Variants in WDR70 observed in about 807,000 individuals in gnomAD.
WDR70 encodes the protein WD repeat domain 70, also known as WD repeat-containing protein 70.
WDR70 carries 53 observed loss-of-function variants against 88.6 expected under a neutral mutation model. The observed-to-expected ratio is 0.60, with a 90% CI of 0.48 to 0.75. The LOEUF (loss-of-function observed/expected upper bound fraction) is 0.75. Among genes scored for constraint, WDR70 ranks in the 30% least tolerant of loss-of-function variants. WDR70 has a pLI of 0.00. For missense variants in WDR70, 610 were observed against 823.2 expected (o/e 0.74, Z 3.17); for synonymous variants, 280 against 270.0 (o/e 1.04, Z -0.36).
At chr5:37,632,567 G>A (rs12519307) in intron 10 of WDR70, among the ~76,000 whole-genome samples, 71,037 of 151,914 alleles carry the variant, frequency 0.47, 18,106 homozygotes, top group Non-Finnish European at 0.58. Flanking sequence ...TAACAAAAAA[G>A]TTTTAAAAGT....
chr5:37,650,340 G>T (rs1745366924), intron 10 of WDR70, among the ~76,000 whole-genome samples: 1 of 152,020 alleles, frequency 6.6e-6, no homozygotes, highest in Non-Finnish European at 1.5e-5. Context: ...GGCAGAGCTT[G>T]CAGTTAGCCG....
chr5:37,600,171 T>C (rs1015760182), intron 9 of WDR70, among the ~76,000 whole-genome samples: 4 of 152,050 alleles, frequency 2.6e-5, no homozygotes, highest in Non-Finnish European at 5.9e-5. Context: ...AGCCGAAGAC[T>C]TGGGGAAAAT....
At chr5:37,522,388 T>A (rs1741121924) in intron 9 of WDR70, among the ~76,000 whole-genome samples, 1 of 150,018 alleles carries the variant, frequency 6.7e-6, no homozygotes, top group Non-Finnish European at 1.5e-5. Context: ...GAAGAATCAC[T>A]TGAACCCAGG....
chr5:37,695,102 ACTTACAGT>A (rs923127309), intron 10 of WDR70, among the ~76,000 whole-genome samples: 6 of 152,122 alleles, frequency 3.9e-5, no homozygotes, highest in Admixed American at 3.9e-4. Flanking sequence ...GCCTCAGGAA[ACTTACAGT>A]CTTGGTAGAA....
At chr5:37,473,050 G>A (rs1406350276) in intron 7 of WDR70, among the ~76,000 whole-genome samples, 2 of 151,840 alleles carry the variant, frequency 1.3e-5, no homozygotes, top group Non-Finnish European at 2.9e-5. Context: ...ATTTGATATG[G>A]TCAGTATCTT....
chr5:37,443,372 G>T lies in WDR70; in HGVS notation c.686G>T (p.Cys229Phe). The stretch of plus-strand genomic sequence containing the variant: ...TTTCGATCCCTTCAGCCCTGTGAGT[G>T]GTATGTATTCACTTACTTAATATCT... ...KAFRSLQPCE[C>F]HQIKSLQYSN... Residue 229 changes from cysteine to phenylalanine, a missense_variant and splice_region_variant, in exon 7 of 18, where the codon TGC (cysteine) becomes TTC (phenylalanine). Transcript: ENST00000265107. The T allele has an allele frequency of 3.7e-6, 6 of 1,613,596 alleles. No individual in the cohort carries two copies. Among genetic ancestry groups the T allele is most frequent in the Non-Finnish European group, 5.1e-6 (6 of 1,179,708 alleles).
chr5:37,746,207 AAAG>A (rs1387045231), intron 17 of WDR70, among the ~76,000 whole-genome samples: 1 of 152,200 alleles, frequency 6.6e-6, no homozygotes, highest in Non-Finnish European at 1.5e-5. Context: ...AGGCAGAAAT[AAAG>A]AAGTTCTTTG....
chr5:37,585,287 G>C (rs1743334456), intron 9 of WDR70, among the ~76,000 whole-genome samples: 1 of 152,064 alleles, frequency 6.6e-6, no homozygotes, highest in Non-Finnish European at 1.5e-5. Context: ...ACCGCGCCCA[G>C]CCTCCTTGTC....
intron 9 of WDR70, among the ~76,000 whole-genome samples, chr5:37,595,217 A>G (rs189621168): frequency 2.6e-5 from 4 of 152,260 alleles, no homozygotes; most frequent in Admixed American, 6.5e-5. Flanking sequence ...TTTTGAATCT[A>G]CAAAAATGCT....
intron 9 of WDR70, among the ~76,000 whole-genome samples, chr5:37,563,517 C>T (rs1362621139): frequency 9.4e-5 from 6 of 63,754 alleles, no homozygotes; most frequent in African/African-American, 1.9e-4. Flanking sequence ...GCAGAGGCGC[C>T]CCTCACCTCC....
intron 9 of WDR70, among the ~76,000 whole-genome samples, chr5:37,565,368 T>C (rs1742706882): frequency 6.6e-6 from 1 of 152,206 alleles, no homozygotes; most frequent in East Asian, 1.9e-4. Context: ...TTAAGGTCTT[T>C]TAAAAATCCC....
At chr5:37,694,398 C>T (rs1267508332) in intron 10 of WDR70, among the ~76,000 whole-genome samples, 1 of 152,154 alleles carries the variant, frequency 6.6e-6, no homozygotes. Flanking sequence ...CACGTGCTCA[C>T]GTATGTTAAT....
At chr5:37,397,247 TA>T (rs1310292151) in intron 5 of WDR70, among the ~76,000 whole-genome samples, 1 of 130,308 alleles carries the variant, frequency 7.7e-6, no homozygotes, top group African/African-American at 2.9e-5. Context: ...AACTAAAAAA[TA>T]ATAAATGGAG....
intron 10 of WDR70, among the ~76,000 whole-genome samples, chr5:37,691,542 T>G (rs1746793806): frequency 6.6e-6 from 1 of 152,118 alleles, no homozygotes; most frequent in Non-Finnish European, 1.5e-5. Context: ...AAATTAGAAC[T>G]CAGGATTAAG....
intron 9 of WDR70, among the ~76,000 whole-genome samples, chr5:37,564,944 TTAAG>T (rs1235045280): frequency 6.6e-6 from 1 of 152,224 alleles, no homozygotes; most frequent in African/African-American, 2.4e-5. Flanking sequence ...CAAAGGCACC[TTAAG>T]TACAGCTCAT....
chr5:37,686,651 T>A (rs941040681), intron 10 of WDR70, among the ~76,000 whole-genome samples: 4 of 152,078 alleles, frequency 2.6e-5, no homozygotes, highest in Non-Finnish European at 5.9e-5. Context: ...GCAGGAGGAT[T>A]GCTCCAGAAA....
intron 4 of WDR70, among the ~76,000 whole-genome samples, chr5:37,394,285 C>CA (rs199867827): frequency 0.062 from 5,891 of 95,422 alleles, 315 homozygotes; most frequent in African/African-American, 0.13. Context: ...GACTCTGTCT[C>CA]AAAAAAAAAA....
intron 9 of WDR70, among the ~76,000 whole-genome samples, chr5:37,601,277 A>G (rs1743873782): frequency 6.6e-6 from 1 of 152,198 alleles, no homozygotes; most frequent in Non-Finnish European, 1.5e-5. Flanking sequence ...ATCTATTGAG[A>G]TGTCATGTGG....
At chr5:37,693,212 G>C (rs1247667522) in intron 10 of WDR70, among the ~76,000 whole-genome samples, 1 of 151,996 alleles carries the variant, frequency 6.6e-6, no homozygotes, top group East Asian at 1.9e-4. Flanking sequence ...AAAATAAAAG[G>C]ACACAAACAA....
Sources: gnomAD v4.1 joint callset for allele counts (sites outside exome capture counted in the v4.1 genomes callset) on GRCh38, gnomAD v4.1.1 for gene constraint, MANE v1.5 for transcripts, NCBI Gene and HGNC (gene_info 2026-07-23, HGNC 2026-07-21) for gene names.